LPAR1: variants seen among roughly 807,000 people sequenced by gnomAD.
LPAR1 encodes LPA receptor 1.
A neutral mutation model predicts 23.8 loss-of-function variants in LPAR1; 5 were observed. The ratio of observed to expected loss-of-function variants is 0.21; its 90% CI spans 0.11 to 0.44. The LOEUF (loss-of-function observed/expected upper bound fraction) is 0.44, where lower values mean the gene tolerates loss of function less well. Ranked by LOEUF, LPAR1 falls within the 20% of genes least tolerant of loss-of-function variation. The pLI is 0.99. For synonymous variants in LPAR1, 160 were observed against 164.7 expected (o/e 0.97, Z 0.22); for missense variants, 311 against 482.8 (o/e 0.64, Z 3.33).
chr9:110,966,614 A>T (rs1465787692), intron 4 of LPAR1, among the ~76,000 whole-genome samples: 2 of 152,138 alleles, frequency 1.3e-5, no homozygotes, highest in African/African-American at 4.8e-5. Flanking sequence ...ATATTTTAGA[A>T]TAAAATAATT....
At chr9:110,986,697 C>T (rs1198049622) in intron 2 of LPAR1, among the ~76,000 whole-genome samples, 1 of 151,390 alleles carries the variant, frequency 6.6e-6, no homozygotes, top group African/African-American at 2.4e-5. Flanking sequence ...AACAAAGTGT[C>T]GAAATAGCTA....
In LPAR1 at chr9:110,874,013, A is replaced by T. The variant is rs1363902083; in HGVS notation, c.*1408T>A. 1 of 152,636 alleles carries T rather than the reference A, an allele frequency of 6.6e-6. No individual in the cohort carries two copies. Among genetic ancestry groups the T allele is most frequent in the East Asian group, 1.9e-4 (1 of 5,200 alleles). The allele number at this position is 152,636 out of a possible 1,614,324, so 9.5% of individuals were successfully genotyped here. On this transcript the variant is annotated 3_prime_UTR_variant, in exon 6 of 6. Coordinates refer to ENST00000683809, the MANE Select transcript of LPAR1 (RefSeq NM_001351411.2). Reference sequence around the variant, plus strand: ...ACTGCATTTCTTTTGTAAAAAGGTCATTTGACTGGCTTTTCCTCACAACTG... The same window carrying T: ...ACTGCATTTCTTTTGTAAAAAGGTCTTTTGACTGGCTTTTCCTCACAACTG...
chr9:111,017,916 G>C (rs1013456910), intron 2 of LPAR1, among the ~76,000 whole-genome samples: 4 of 152,170 alleles, frequency 2.6e-5, no homozygotes, highest in African/African-American at 9.7e-5. Context: ...CTACTAGGGA[G>C]GCTGAGGCAG....
At chr9:110,971,569 G>A (rs1010005235) in intron 4 of LPAR1, among the ~76,000 whole-genome samples, 2 of 152,112 alleles carry the variant, frequency 1.3e-5, no homozygotes, top group Admixed American at 6.5e-5. Flanking sequence ...TAACTCATAC[G>A]ATTGCTGCTC....
chr9:110,909,920 T>C (rs891617583), intron 5 of LPAR1, among the ~76,000 whole-genome samples: 4 of 151,848 alleles, frequency 2.6e-5, no homozygotes, highest in African/African-American at 9.7e-5. Flanking sequence ...GCTAATTTTT[T>C]GCATTTTTTG....
At chr9:110,952,291 G>A (rs2095594343) in intron 4 of LPAR1, among the ~76,000 whole-genome samples, 1 of 152,090 alleles carries the variant, frequency 6.6e-6, no homozygotes, top group Non-Finnish European at 1.5e-5. Flanking sequence ...CCACAGGAGA[G>A]CCCCTCAACC....
chr9:110,914,405 T>C (rs2092820188), intron 5 of LPAR1, among the ~76,000 whole-genome samples: 1 of 152,070 alleles, frequency 6.6e-6, no homozygotes, highest in Non-Finnish European at 1.5e-5. Context: ...GAAAGGGGTT[T>C]CCCCCTGTAA....
At position 110,945,604 on chromosome 9, in the gene LPAR1, A is replaced by C. The variant is rs12344663; in HGVS notation, c.46-3436T>G. 2.1e-3 allele frequency among the ~76,000 whole-genome samples: 318 copies of C among 152,364 alleles called. 2 individuals carry two copies. The highest frequency in any genetic ancestry group is 7.1e-3 in the African/African-American group (297 of 41,590). ...TATTGCTACTTTAACAAATTGCTAT[A>C]AATTTAGCAGCATAAATATACAAAT... On this transcript the variant is annotated intron_variant, in intron 4 of 5. Coordinates refer to ENST00000683809, the MANE Select transcript of LPAR1 (RefSeq NM_001351411.2).
chr9:111,005,432 C>T (rs1043884565), intron 2 of LPAR1, among the ~76,000 whole-genome samples: 5 of 150,508 alleles, frequency 3.3e-5, no homozygotes, highest in Non-Finnish European at 7.4e-5. Flanking sequence ...TGTGTAGTCC[C>T]AGCTACTCGG....
At chr9:110,994,133 C>G (rs1310803372) in intron 2 of LPAR1, among the ~76,000 whole-genome samples, 1 of 152,140 alleles carries the variant, frequency 6.6e-6, no homozygotes, top group African/African-American at 2.4e-5. Flanking sequence ...TGTGTGCCAC[C>G]TGACAAAATG....
intron 2 of LPAR1, among the ~76,000 whole-genome samples, chr9:110,982,861 T>TACACAC (rs55748505): frequency 0.25 from 34,780 of 139,872 alleles, 4,169 homozygotes; most frequent in Non-Finnish European, 0.27. Context: ...TATATACACA[T>TACACAC]ACACACACAC....
chr9:111,028,724 A>G (rs1294762653), intron 2 of LPAR1, among the ~76,000 whole-genome samples: 1 of 152,030 alleles, frequency 6.6e-6, no homozygotes, highest in African/African-American at 2.4e-5. Flanking sequence ...AACCTCTATG[A>G]CAAACCTTTA....
At chr9:110,982,593 T>G (rs2096693259) in intron 2 of LPAR1, among the ~76,000 whole-genome samples, 1 of 151,962 alleles carries the variant, frequency 6.6e-6, no homozygotes, top group Non-Finnish European at 1.5e-5. Flanking sequence ...ACCTGCATGT[T>G]GTGCACATGT....
chr9:110,969,585 A>T (rs78874410), intron 4 of LPAR1, among the ~76,000 whole-genome samples: 1 of 151,890 alleles, frequency 6.6e-6, no homozygotes, highest in African/African-American at 2.4e-5. Flanking sequence ...GGAGGCACAC[A>T]CCTATAATCC....
chr9:110,914,427 C>G (rs1218556902), intron 5 of LPAR1, among the ~76,000 whole-genome samples: 1 of 152,158 alleles, frequency 6.6e-6, no homozygotes, highest in Non-Finnish European at 1.5e-5. Context: ...ACCATCAGGT[C>G]TCATGAGACT....
At position 110,885,530 on chromosome 9, in the gene LPAR1, CT is replaced by C. The variant is rs1450030841; in HGVS notation, c.794-9809del. ...AAAAATATGGAAGCAGCACAACCAC[CT>C]AATTAGATCCAGGATGTATGCACAC... On this transcript the variant is annotated intron_variant, in intron 5 of 5. Coordinates refer to ENST00000683809, the MANE Select transcript of LPAR1 (RefSeq NM_001351411.2). 4.6e-5 allele frequency among the ~76,000 whole-genome samples: 7 copies of C among 152,300 alleles called. No individual in the cohort carries two copies. In the East Asian group the frequency reaches 9.6e-4, roughly 21 times the overall value.
chr9:110,912,291 CA>C (rs1181455774), intron 5 of LPAR1, among the ~76,000 whole-genome samples: 1 of 152,180 alleles, frequency 6.6e-6, no homozygotes. Context: ...CAGAATTGTG[CA>C]ACTTGTGAGC....
At chr9:111,001,009 T>C (rs1475443530) in intron 2 of LPAR1, among the ~76,000 whole-genome samples, 1 of 152,152 alleles carries the variant, frequency 6.6e-6, no homozygotes, top group Non-Finnish European at 1.5e-5. Context: ...TGTTTTAATA[T>C]GCTAAAATCA....
intron 2 of LPAR1, among the ~76,000 whole-genome samples, chr9:110,981,745 T>C (rs1263368761): frequency 6.6e-6 from 1 of 151,992 alleles, no homozygotes; most frequent in Non-Finnish European, 1.5e-5. Context: ...TTAGAAATTA[T>C]GGACATACAG....
Sources: allele counts gnomAD v4.1 joint callset (sites outside exome capture counted in the v4.1 genomes callset), GRCh38; gene constraint gnomAD v4.1.1; transcripts MANE v1.5; gene names NCBI Gene and HGNC (gene_info 2026-07-23, HGNC 2026-07-21).